Variants in CDH18 observed in about 807,000 individuals in gnomAD.
CDH18 encodes the protein cadherin-18.
In CDH18, 31 loss-of-function variants were observed where a neutral mutation model predicts 67.9. The observed-to-expected ratio is 0.46, with a 90% CI of 0.34 to 0.62. The LOEUF (loss-of-function observed/expected upper bound fraction) is 0.62. CDH18 is among the 20% of genes least tolerant of loss of function. The probability of loss-of-function intolerance (pLI) is 0.01; values close to 1 mark genes in which losing one functional copy is unlikely to be tolerated. For missense variants in CDH18, 890 were observed against 975.5 expected (o/e 0.91, Z 1.17); for synonymous variants, 362 against 347.2 (o/e 1.04, Z -0.48).
intron 2 of CDH18, among the ~76,000 whole-genome samples, chr5:19,934,523 A>C (rs550113093): frequency 2.0e-5 from 3 of 151,458 alleles, no homozygotes; most frequent in Non-Finnish European, 4.4e-5. Context: ...TCTTGCTAAC[A>C]ATGAAGCCTA....
intron 1 of CDH18, among the ~76,000 whole-genome samples, chr5:20,462,377 T>C (rs1751325768): frequency 6.6e-6 from 1 of 152,028 alleles, no homozygotes; most frequent in Non-Finnish European, 1.5e-5. Flanking sequence ...AGGTGGAAGA[T>C]GAGAAGAGGG....
chr5:20,056,776 C>T (rs1409785361), intron 2 of CDH18, among the ~76,000 whole-genome samples: 45 of 149,644 alleles, frequency 3.0e-4, no homozygotes, highest in African/African-American at 9.4e-4. Flanking sequence ...CTCCACCTCC[C>T]GGGTTCACGC....
At position 19,505,565 on chromosome 5, in the gene CDH18, A is replaced by T. The variant is rs558222773; in HGVS notation, c.1513-2456T>A. 8.9e-4 allele frequency among the ~76,000 whole-genome samples: 135 copies of T among 151,690 alleles called. 2 individuals carry two copies. In the South Asian group the frequency reaches 0.027, roughly 31 times the overall value. Reference sequence around the variant, plus strand: ...TTTGTAAAAGTCCTTTTCAGCATCTATTGATATAATCATGTGGTTTTTGTT... The same window carrying T: ...TTTGTAAAAGTCCTTTTCAGCATCTTTTGATATAATCATGTGGTTTTTGTT... On this transcript the variant is annotated intron_variant, in intron 10 of 12. Coordinates refer to ENST00000382275, the MANE Select transcript of CDH18 (RefSeq NM_004934.5).
intron 12 of CDH18, among the ~76,000 whole-genome samples, chr5:19,480,933 A>T (rs549631986): frequency 1.3e-5 from 2 of 152,088 alleles, no homozygotes; most frequent in Non-Finnish European, 2.9e-5. Context: ...ACTGGAATGC[A>T]GTGAAATAGT....
At chr5:20,249,450 T>C (rs965878538) in intron 2 of CDH18, among the ~76,000 whole-genome samples, 4 of 150,088 alleles carry the variant, frequency 2.7e-5, no homozygotes, top group African/African-American at 4.9e-5. Flanking sequence ...TGGCGCGATA[T>C]TGGCTCACTG....
At chr5:19,558,183 T>C (rs1738784163) in intron 8 of CDH18, among the ~76,000 whole-genome samples, 1 of 151,602 alleles carries the variant, frequency 6.6e-6, no homozygotes, top group Non-Finnish European at 1.5e-5. Context: ...AATGCCTACA[T>C]CAAAAAGTCT....
chr5:19,509,188 A>T (rs142447303), intron 10 of CDH18, among the ~76,000 whole-genome samples: 6 of 152,194 alleles, frequency 3.9e-5, no homozygotes, highest in Admixed American at 3.9e-4. Flanking sequence ...CTTAACTCAG[A>T]AATAGAAAAC....
At chr5:20,027,741 A>G (rs1012256257) in intron 2 of CDH18, among the ~76,000 whole-genome samples, 1 of 152,192 alleles carries the variant, frequency 6.6e-6, no homozygotes, top group Non-Finnish European at 1.5e-5. Flanking sequence ...ATGGCTTAAC[A>G]TTTATGACTT....
chr5:19,910,053 G>A (rs993518652), intron 2 of CDH18, among the ~76,000 whole-genome samples: 1 of 151,968 alleles, frequency 6.6e-6, no homozygotes, highest in African/African-American at 2.4e-5. Context: ...TTTCTCTTCT[G>A]TTAATGTTAT....
At chr5:20,408,686 A>T (rs1746509433) in intron 1 of CDH18, among the ~76,000 whole-genome samples, 1 of 151,874 alleles carries the variant, frequency 6.6e-6, no homozygotes, top group Admixed American at 6.6e-5. Flanking sequence ...GTGCCTAAGA[A>T]CTAAGAAGAA....
At chr5:20,134,510 T>C (rs1233685899) in intron 2 of CDH18, among the ~76,000 whole-genome samples, 2 of 152,138 alleles carry the variant, frequency 1.3e-5, no homozygotes, top group Non-Finnish European at 2.9e-5. Flanking sequence ...TTAGTACCTA[T>C]CGGTTGTAAC....
At chr5:20,441,306 A>G (rs552187007) in intron 1 of CDH18, among the ~76,000 whole-genome samples, 1 of 152,084 alleles carries the variant, frequency 6.6e-6, no homozygotes, top group East Asian at 1.9e-4. Flanking sequence ...TTTATTTCAC[A>G]GTTATGCTGC....
chr5:19,484,980 A>G (rs1740128264), intron 11 of CDH18, among the ~76,000 whole-genome samples: 1 of 151,422 alleles, frequency 6.6e-6, no homozygotes, highest in Non-Finnish European at 1.5e-5. Flanking sequence ...TTATTCTGAA[A>G]ATAGAAATTG....
chr5:20,531,735 T>C (rs982668203), intron 1 of CDH18, among the ~76,000 whole-genome samples: 3 of 151,888 alleles, frequency 2.0e-5, no homozygotes, highest in African/African-American at 7.3e-5. Context: ...ATGGGGCCTG[T>C]TGGGGGAGGG....
chr5:20,156,191 A>G (rs913937235), intron 2 of CDH18, among the ~76,000 whole-genome samples: 1 of 152,112 alleles, frequency 6.6e-6, no homozygotes, highest in Non-Finnish European at 1.5e-5. Flanking sequence ...TCAAAAAACT[A>G]AAAATGGAAC....
intron 11 of CDH18, among the ~76,000 whole-genome samples, chr5:19,493,416 A>G (rs1012505661): frequency 1.1e-4 from 16 of 152,144 alleles, no homozygotes; most frequent in South Asian, 2.1e-4. Context: ...AATTTCTCTT[A>G]AGAAGAAAGG....
At chr5:19,871,141 T>C (rs1281640004) in intron 2 of CDH18, among the ~76,000 whole-genome samples, 8 of 152,136 alleles carry the variant, frequency 5.3e-5, no homozygotes, top group Non-Finnish European at 1.2e-4. Context: ...GAGCTGTTGT[T>C]GTATCTCAGA....
At chr5:19,795,598 G>A (rs1776773784) in intron 3 of CDH18, among the ~76,000 whole-genome samples, 1 of 152,118 alleles carries the variant, frequency 6.6e-6, no homozygotes, top group South Asian at 2.1e-4. Context: ...TAAACTTGGT[G>A]AGTGACTTAA....
chr5:20,093,476 T>C (rs1371229541), intron 2 of CDH18, among the ~76,000 whole-genome samples: 3 of 152,082 alleles, frequency 2.0e-5, no homozygotes, highest in Non-Finnish European at 4.4e-5. Flanking sequence ...ACTTTAATAA[T>C]AGTTGCATTG....
Sources: gnomAD v4.1 joint callset for allele counts (sites outside exome capture counted in the v4.1 genomes callset) on GRCh38, gnomAD v4.1.1 for gene constraint, MANE v1.5 for transcripts, NCBI Gene and HGNC (gene_info 2026-07-23, HGNC 2026-07-21) for gene names.